TOX: variants seen among roughly 807,000 people sequenced by gnomAD.
TOX encodes the protein thymocyte selection associated high mobility group box, also known as thymocyte selection-associated high mobility group box protein TOX.
In TOX, 11 loss-of-function variants were observed where a neutral mutation model predicts 53.7. The observed-to-expected ratio is 0.20, with a 90% CI of 0.13 to 0.34. The LOEUF (loss-of-function observed/expected upper bound fraction) is 0.34. Among genes scored for constraint, TOX ranks in the 10% least tolerant of loss-of-function variants. The pLI is 1.00. For missense variants in TOX, 570 were observed against 664.6 expected (o/e 0.86, Z 1.56); for synonymous variants, 225 against 245.3 (o/e 0.92, Z 0.77).
intron 7 of TOX, among the ~76,000 whole-genome samples, chr8:58,808,584 G>C (rs1177247313): frequency 6.6e-6 from 1 of 152,156 alleles, no homozygotes; most frequent in South Asian, 2.1e-4. Flanking sequence ...GGAGAAGAGG[G>C]CCTAAACCCC....
At chr8:59,011,341 C>G (rs1227518696) in intron 1 of TOX, among the ~76,000 whole-genome samples, 1 of 152,176 alleles carries the variant, frequency 6.6e-6, no homozygotes, top group Non-Finnish European at 1.5e-5. Flanking sequence ...TGGAAGATCC[C>G]TGCCCTCCAA....
intron 3 of TOX, among the ~76,000 whole-genome samples, chr8:58,937,916 G>C (rs922812956): frequency 2.0e-5 from 3 of 152,036 alleles, no homozygotes; most frequent in African/African-American, 7.2e-5. Flanking sequence ...TTTTCAAGGT[G>C]ACTACACTGA....
chr8:59,031,886 T>C (rs1057032447), intron 1 of TOX, among the ~76,000 whole-genome samples: 4 of 152,176 alleles, frequency 2.6e-5, no homozygotes, highest in Admixed American at 6.5e-5. Flanking sequence ...GGAAAATGCA[T>C]GGTCTTGAGT....
chr8:58,991,228 C>T (rs935752119), intron 1 of TOX, among the ~76,000 whole-genome samples: 1 of 152,178 alleles, frequency 6.6e-6, no homozygotes, highest in Non-Finnish European at 1.5e-5. Flanking sequence ...TAGCTCCTAA[C>T]TGTGCAATTC....
At chr8:58,849,772 A>G (rs1490114835) in intron 4 of TOX, among the ~76,000 whole-genome samples, 1 of 152,250 alleles carries the variant, frequency 6.6e-6, no homozygotes, top group Non-Finnish European at 1.5e-5. Context: ...GATCTTTACT[A>G]TGAGCAGAAC....
At chr8:59,031,673 G>T (rs1227374502) in intron 1 of TOX, among the ~76,000 whole-genome samples, 3 of 152,306 alleles carry the variant, frequency 2.0e-5, no homozygotes, top group African/African-American at 4.8e-5. Flanking sequence ...ATCAAGGAAG[G>T]CCTCTCTGAG....
chr8:58,979,862 G>A (rs1477947740), intron 1 of TOX, among the ~76,000 whole-genome samples: 1 of 152,106 alleles, frequency 6.6e-6, no homozygotes, highest in Admixed American at 6.6e-5. Flanking sequence ...CTATCTCATG[G>A]GTCATTGTGA....
intron 1 of TOX, among the ~76,000 whole-genome samples, chr8:58,973,804 CTT>C (rs921295196): frequency 6.9e-6 from 1 of 145,784 alleles, no homozygotes; most frequent in Non-Finnish European, 1.5e-5. Context: ...AAGTGGTTTT[CTT>C]TTTTTTTTTG....
intron 1 of TOX, among the ~76,000 whole-genome samples, chr8:58,998,376 C>G (rs1192297091): frequency 1.3e-5 from 2 of 150,038 alleles, no homozygotes; most frequent in Non-Finnish European, 3.0e-5. Flanking sequence ...GTGATACTAG[C>G]TACTCTGGAG....
chr8:58,833,108 A>G (rs1810490168), intron 5 of TOX, among the ~76,000 whole-genome samples: 1 of 152,154 alleles, frequency 6.6e-6, no homozygotes, highest in African/African-American at 2.4e-5. Context: ...TTTCCACTCC[A>G]TTTTTAGCAA....
chr8:58,890,629 C>T (rs1379079055), intron 3 of TOX, among the ~76,000 whole-genome samples: 1 of 152,044 alleles, frequency 6.6e-6, no homozygotes, highest in Admixed American at 6.6e-5. Flanking sequence ...AGAGAAAGGT[C>T]TTAGGCATTG....
intron 2 of TOX, among the ~76,000 whole-genome samples, chr8:58,947,655 A>G (rs1812546136): frequency 6.6e-6 from 1 of 152,232 alleles, no homozygotes; most frequent in Non-Finnish European, 1.5e-5. Flanking sequence ...GAAGAGAGAA[A>G]TGGGAACTTA....
At chr8:59,116,298 C>T (rs1400588016) in intron 1 of TOX, among the ~76,000 whole-genome samples, 1 of 152,216 alleles carries the variant, frequency 6.6e-6, no homozygotes, top group East Asian at 1.9e-4. Context: ...CATTACGCCT[C>T]CGAAGGAAGC....
intron 3 of TOX, among the ~76,000 whole-genome samples, chr8:58,895,467 TAAAC>T (rs987715936): frequency 2.0e-5 from 3 of 152,256 alleles, no homozygotes; most frequent in African/African-American, 7.2e-5. Flanking sequence ...AAATCAAACA[TAAAC>T]AAAGCTGTAC....
intron 7 of TOX, among the ~76,000 whole-genome samples, chr8:58,811,409 G>T (rs1465414150): frequency 2.0e-5 from 3 of 152,190 alleles, no homozygotes; most frequent in Non-Finnish European, 2.9e-5. Flanking sequence ...AGGGACATTT[G>T]CTCTTTAATT....
chr8:58,995,238 CT>C (rs1453211459), intron 1 of TOX, among the ~76,000 whole-genome samples: 9 of 152,184 alleles, frequency 5.9e-5, no homozygotes, highest in Non-Finnish European at 1.2e-4. Context: ...AATTTAGCCC[CT>C]AATGTGATTT....
intron 1 of TOX, among the ~76,000 whole-genome samples, chr8:59,014,943 A>G (rs959823492): frequency 6.6e-5 from 10 of 152,352 alleles, no homozygotes; most frequent in Admixed American, 5.9e-4. Context: ...AATTTAATGA[A>G]TGCCTTTAAT....
At chr8:58,826,149 T>C (rs1480207424) in intron 6 of TOX, among the ~76,000 whole-genome samples, 11 of 152,262 alleles carry the variant, frequency 7.2e-5, no homozygotes, top group Non-Finnish European at 4.4e-5. Context: ...TGGGATGAAG[T>C]CCAGAGCCCC....
chr8:59,106,628 G>A (rs1804908879), intron 1 of TOX, among the ~76,000 whole-genome samples: 1 of 152,088 alleles, frequency 6.6e-6, no homozygotes, highest in African/African-American at 2.4e-5. Context: ...GAGATATGGA[G>A]CTAAGCAGAG....
Sources: gnomAD v4.1 joint callset for allele counts (sites outside exome capture counted in the v4.1 genomes callset) on GRCh38, gnomAD v4.1.1 for gene constraint, MANE v1.5 for transcripts, NCBI Gene and HGNC (gene_info 2026-07-23, HGNC 2026-07-21) for gene names.